STX8: variants seen among roughly 807,000 people sequenced by gnomAD.
STX8 encodes the protein syntaxin-8.
A neutral mutation model predicts 37.5 loss-of-function variants in STX8; 23 were observed. The observed-to-expected ratio is 0.61, with a 90% confidence interval of 0.44 to 0.87. STX8 has a LOEUF of 0.87. STX8 is among the 40% of genes least tolerant of loss of function. The probability of loss-of-function intolerance (pLI) is 0.00; values close to 1 mark genes in which losing one functional copy is unlikely to be tolerated. For missense variants in STX8, 313 were observed against 284.7 expected, an observed-to-expected ratio of 1.10 and a Z score of -0.71; for synonymous variants, 115 against 99.1, an observed-to-expected ratio of 1.16 and a Z score of -0.95.
intron 6 of STX8, among the ~76,000 whole-genome samples, chr17:9,451,867 G>T (rs1372839814): frequency 6.6e-6 from 1 of 152,096 alleles, no homozygotes; most frequent in Non-Finnish European, 1.5e-5. Context: ...TAGAAAATTT[G>T]AGTTTGATAT....
At chr17:9,448,669 T>C (rs1904938097) in intron 6 of STX8, among the ~76,000 whole-genome samples, 1 of 152,192 alleles carries the variant, frequency 6.6e-6, no homozygotes. Flanking sequence ...CAGAAACACT[T>C]AGAAGCAGGG....
chr17:9,541,625 A>G (rs1289420298), intron 4 of STX8, among the ~76,000 whole-genome samples: 1 of 152,214 alleles, frequency 6.6e-6, no homozygotes, highest in East Asian at 1.9e-4. Context: ...AGAAAGCTAC[A>G]GAACTGGGTC....
intron 5 of STX8, among the ~76,000 whole-genome samples, chr17:9,493,621 G>A (rs940263332): frequency 3.3e-5 from 5 of 152,234 alleles, no homozygotes; most frequent in African/African-American, 1.2e-4. Context: ...ACCCTCAGCT[G>A]AGCCTTCTCT....
chr17:9,561,194 C>T (rs1433957738), intron 2 of STX8, among the ~76,000 whole-genome samples: 3 of 152,030 alleles, frequency 2.0e-5, no homozygotes, highest in Admixed American at 6.6e-5. Context: ...ATCCCCTCCC[C>T]CGTTAGAAAA....
At chr17:9,480,906 G>A (rs563226326) in intron 6 of STX8, among the ~76,000 whole-genome samples, 37 of 145,464 alleles carry the variant, frequency 2.5e-4, no homozygotes, top group Non-Finnish European at 4.7e-4. Flanking sequence ...TTTTTTTGAG[G>A]TGGAGCCTTG....
intron 6 of STX8, 82 bp from the exon 7 acceptor site, chr17:9,378,735 A>G: frequency 4.8e-6 from 5 of 1,052,488 alleles, no homozygotes; most frequent in Non-Finnish European, 5.9e-6. Context: ...TGTTCATCCT[A>G]GCAATAATGA....
chr17:9,262,865 G>A (rs904921754), intron 7 of STX8, among the ~76,000 whole-genome samples: 1 of 152,106 alleles, frequency 6.6e-6, no homozygotes, highest in African/African-American at 2.4e-5. Context: ...GAGCCACCAC[G>A]CTCGGCCACA....
intron 6 of STX8, among the ~76,000 whole-genome samples, chr17:9,454,322 G>A (rs1905125912): frequency 1.3e-5 from 2 of 152,180 alleles, no homozygotes; most frequent in East Asian, 3.9e-4. Flanking sequence ...GTCCCAGGTG[G>A]AACAGAGCAG....
At chr17:9,452,710 T>C (rs1157458390) in intron 6 of STX8, among the ~76,000 whole-genome samples, 1 of 152,052 alleles carries the variant, frequency 6.6e-6, no homozygotes, top group Non-Finnish European at 1.5e-5. Context: ...TCTCAATGTA[T>C]AAACTTCTAC....
At chr17:9,460,905 C>G (rs1482719775) in intron 6 of STX8, among the ~76,000 whole-genome samples, 1 of 151,272 alleles carries the variant, frequency 6.6e-6, no homozygotes, top group Non-Finnish European at 1.5e-5. Flanking sequence ...AATAATAATA[C>G]TAACTTCATA....
chr17:9,523,247 G>A (rs937755804), intron 4 of STX8, among the ~76,000 whole-genome samples: 7 of 150,604 alleles, frequency 4.6e-5, no homozygotes, highest in Non-Finnish European at 8.8e-5. Context: ...AGGAGGCAGA[G>A]GTTGCAGTGA....
intron 7 of STX8, among the ~76,000 whole-genome samples, chr17:9,291,828 G>T (rs1908321454): frequency 6.6e-6 from 1 of 152,174 alleles, no homozygotes; most frequent in Non-Finnish European, 1.5e-5. Flanking sequence ...GCTTTGAACA[G>T]TCCAAAGGCT....
intron 4 of STX8, among the ~76,000 whole-genome samples, chr17:9,528,355 T>C (rs556412989): frequency 6.6e-6 from 1 of 152,298 alleles, no homozygotes; most frequent in East Asian, 1.9e-4. Flanking sequence ...TGGAGTGCAG[T>C]GGCGCAATCT....
At chr17:9,310,580 T>C (rs953252276) in intron 7 of STX8, among the ~76,000 whole-genome samples, 1 of 152,154 alleles carries the variant, frequency 6.6e-6, no homozygotes, top group African/African-American at 2.4e-5. Context: ...GCTGCTTTTG[T>C]ATGTGAGCAA....
chr17:9,321,616 T>C (rs539229680), intron 7 of STX8, among the ~76,000 whole-genome samples: 116 of 151,706 alleles, frequency 7.6e-4, no homozygotes, highest in Middle Eastern at 3.4e-3. Flanking sequence ...GCCTCCCAGG[T>C]TCAAGCGGTT....
intron 4 of STX8, among the ~76,000 whole-genome samples, chr17:9,518,591 A>AGGCGTGGT (rs1905224796): frequency 6.6e-6 from 1 of 152,178 alleles, no homozygotes; most frequent in African/African-American, 2.4e-5. Flanking sequence ...GCTAGCAGCC[A>AGGCGTGGT]GGCGTGGTGG....
chr17:9,461,693 G>A (rs1597687659), intron 6 of STX8, among the ~76,000 whole-genome samples: 1 of 152,040 alleles, frequency 6.6e-6, no homozygotes, highest in Non-Finnish European at 1.5e-5. Flanking sequence ...GTGGGTGGGG[G>A]GTGATTTCAA....
chr17:9,287,090 G>T (rs2142158764), intron 7 of STX8, among the ~76,000 whole-genome samples: 1 of 152,268 alleles, frequency 6.6e-6, no homozygotes, highest in African/African-American at 2.4e-5. Flanking sequence ...GTGGGGAATG[G>T]TATAAATATA....
chr17:9,553,621 T>C (rs900376781), intron 3 of STX8: 4 of 152,222 alleles, frequency 2.6e-5, no homozygotes, highest in Non-Finnish European at 5.9e-5. Context: ...AGTCACTCCA[T>C]TGGTGATTTA....
Sources: gnomAD v4.1 joint callset for allele counts (sites outside exome capture counted in the v4.1 genomes callset) on GRCh38, gnomAD v4.1.1 for gene constraint, MANE v1.5 for transcripts, NCBI Gene and HGNC (gene_info 2026-07-23, HGNC 2026-07-21) for gene names.